Variants in ZFYVE9 observed in about 807,000 individuals in gnomAD.
ZFYVE9 encodes the protein zinc finger FYVE domain-containing protein 9.
ZFYVE9 carries 43 observed loss-of-function variants against 126.7 expected under a neutral mutation model. The observed-to-expected ratio is 0.34, with a 90% CI of 0.27 to 0.44. The LOEUF (loss-of-function observed/expected upper bound fraction) is 0.44. Ranked by LOEUF, ZFYVE9 falls within the 20% of genes least tolerant of loss-of-function variation. ZFYVE9 has a pLI of 1.00. For synonymous variants in ZFYVE9, 521 were observed against 597.4 expected, an observed-to-expected ratio of 0.87 and a Z score of 1.87; for missense variants, 1,476 against 1,697.0, an observed-to-expected ratio of 0.87 and a Z score of 2.29.
intron 1 of ZFYVE9, among the ~76,000 whole-genome samples, chr1:52,204,265 T>C (rs1557455456): frequency 2.6e-5 from 4 of 152,160 alleles, no homozygotes; most frequent in Admixed American, 6.5e-5. Context: ...CCCTGGACTG[T>C]GAACTTCACA....
intron 2 of ZFYVE9, among the ~76,000 whole-genome samples, chr1:52,229,827 G>C (rs1384789496): frequency 6.6e-6 from 1 of 152,012 alleles, no homozygotes; most frequent in Non-Finnish European, 1.5e-5. Context: ...AGAAAAAGCG[G>C]GTTCTTGTCA....
intron 2 of ZFYVE9, among the ~76,000 whole-genome samples, chr1:52,230,146 G>A (rs983136246): frequency 6.6e-6 from 1 of 152,122 alleles, no homozygotes; most frequent in Non-Finnish European, 1.5e-5. Flanking sequence ...GGGATTACAG[G>A]CGTGAGCCTC....
At chr1:52,277,227 A>G (rs1645756707) in intron 8 of ZFYVE9, among the ~76,000 whole-genome samples, 1 of 150,568 alleles carries the variant, frequency 6.6e-6, no homozygotes, top group Non-Finnish European at 1.5e-5. Flanking sequence ...TAGTAAAATT[A>G]TCTATTGTAA....
chr1:52,311,948 G>A (rs1330556719), intron 13 of ZFYVE9, among the ~76,000 whole-genome samples: 5 of 151,820 alleles, frequency 3.3e-5, no homozygotes, highest in South Asian at 2.1e-4. Flanking sequence ...ACGCCACCAT[G>A]CCCAGCTAAT....
chr1:52,293,775 T>G (rs1645947873), intron 11 of ZFYVE9, 98 bp downstream of exon 11: 1 of 1,189,260 alleles, frequency 8.4e-7, no homozygotes, highest in African/African-American at 1.5e-5. Context: ...GCAGAAATAG[T>G]CTTTTGAAAT....
intron 1 of ZFYVE9, among the ~76,000 whole-genome samples, chr1:52,151,922 A>C (rs186415637): frequency 6.6e-6 from 1 of 152,298 alleles, no homozygotes; most frequent in East Asian, 1.9e-4. Context: ...GAAGTTTGCA[A>C]ATGCACGTTA....
intron 4 of ZFYVE9, chr1:52,253,938 A>G: frequency 1.1e-6 from 1 of 931,910 alleles, no homozygotes; most frequent in Non-Finnish European, 1.8e-6. Flanking sequence ...ACAACCTTCA[A>G]GAAATTCGGC....
intron 13 of ZFYVE9, among the ~76,000 whole-genome samples, chr1:52,319,283 T>TC (rs1646216022): frequency 6.6e-6 from 1 of 152,192 alleles, no homozygotes; most frequent in South Asian, 2.1e-4. Flanking sequence ...CCCAAATTGA[T>TC]CTGTAGCTTC....
At chr1:52,327,049 T>C (rs1358726623) in intron 13 of ZFYVE9, among the ~76,000 whole-genome samples, 3 of 151,510 alleles carry the variant, frequency 2.0e-5, no homozygotes, top group African/African-American at 7.3e-5. Context: ...TAGTCCCAGC[T>C]ACTCGGGAGG....
chr1:52,277,764 A>C lies in ZFYVE9; in HGVS notation c.2747-728A>C, dbSNP rs188790558. Among the ~76,000 whole-genome samples the C allele has an allele frequency of 2.6e-3, 403 of 152,314 alleles. 2 individuals carry two copies. The highest frequency in any genetic ancestry group is 4.9e-3 in the Non-Finnish European group (334 of 68,026). ...TGATTATTACGCATGATTTGACTTC[A>C]AGCTGAAAGGACCACTGTCATTCAA... On this transcript the variant is annotated intron_variant, in intron 8 of 18. Coordinates refer to ENST00000287727, the MANE Select transcript of ZFYVE9 (RefSeq NM_004799.4).
intron 4 of ZFYVE9, among the ~76,000 whole-genome samples, chr1:52,259,724 G>A (rs1645560598): frequency 6.6e-6 from 1 of 152,092 alleles, no homozygotes; most frequent in Non-Finnish European, 1.5e-5. Flanking sequence ...TTGAACCTGG[G>A]AGGAAGAGGT....
chr1:52,331,757 A>G (rs1318294204), intron 13 of ZFYVE9, among the ~76,000 whole-genome samples: 1 of 150,932 alleles, frequency 6.6e-6, no homozygotes, highest in Non-Finnish European at 1.5e-5. Flanking sequence ...GTCTCAAAAA[A>G]AAAAGGTGTC....
intron 4 of ZFYVE9, chr1:52,252,748 C>A: frequency 2.1e-6 from 1 of 468,678 alleles, no homozygotes; most frequent in South Asian, 1.6e-5. Flanking sequence ...AATGGTCAGT[C>A]CGACTGCTAC....
At chr1:52,225,845 A>G (rs1245023385) in intron 2 of ZFYVE9, among the ~76,000 whole-genome samples, 1 of 152,118 alleles carries the variant, frequency 6.6e-6, no homozygotes, top group Admixed American at 6.5e-5. Flanking sequence ...TGAGGTATAC[A>G]CCCAAGGTTC....
At chr1:52,266,405 TAAAAA>T (rs33996604) in intron 5 of ZFYVE9, among the ~76,000 whole-genome samples, 8 of 85,626 alleles carry the variant, frequency 9.3e-5, no homozygotes, top group East Asian at 5.2e-4. Context: ...TCTAATTCTT[TAAAAA>T]AAAAAAAAAA....
intron 4 of ZFYVE9, among the ~76,000 whole-genome samples, chr1:52,261,155 T>G (rs1645575861): frequency 6.6e-6 from 1 of 152,144 alleles, no homozygotes; most frequent in Non-Finnish European, 1.5e-5. Context: ...TACATGATCT[T>G]ATTTCACCAT....
intron 1 of ZFYVE9, among the ~76,000 whole-genome samples, chr1:52,191,131 G>A (rs1431341270): frequency 6.6e-6 from 1 of 152,012 alleles, no homozygotes; most frequent in Non-Finnish European, 1.5e-5. Context: ...GTAGAGTCAG[G>A]GTTTCACCAT....
At chr1:52,297,948 G>C (rs192103963) in intron 12 of ZFYVE9, among the ~76,000 whole-genome samples, 2 of 151,908 alleles carry the variant, frequency 1.3e-5, no homozygotes, top group East Asian at 3.9e-4. Context: ...TCATGACCTC[G>C]AGTGATCCAC....
At chr1:52,344,659 ATG>A in intron 17 of ZFYVE9, 107 bp from the exon 18 acceptor site, 4 of 1,203,330 alleles carry the variant, frequency 3.3e-6, no homozygotes. Context: ...TGTTCCTGTC[ATG>A]TCTTCTTGCA....
Sources: allele counts gnomAD v4.1 joint callset (sites outside exome capture counted in the v4.1 genomes callset), GRCh38; gene constraint gnomAD v4.1.1; transcripts MANE v1.5; gene names NCBI Gene and HGNC (gene_info 2026-07-23, HGNC 2026-07-21).